MAPK4: variants seen among roughly 807,000 people sequenced by gnomAD.
MAPK4 encodes mitogen-activated protein kinase 4.
In MAPK4, 22 loss-of-function variants were observed where a neutral mutation model predicts 47.7. The ratio of observed to expected loss-of-function variants is 0.46; its 90% confidence interval spans 0.33 to 0.66. The LOEUF (loss-of-function observed/expected upper bound fraction) is 0.66. Among genes scored for constraint, MAPK4 ranks in the 30% least tolerant of loss-of-function variants. MAPK4 has a pLI of 0.02. For missense variants in MAPK4, 736 were observed against 831.7 expected (o/e 0.88, Z 1.42); for synonymous variants, 390 against 365.7 (o/e 1.07, Z -0.76).
intron 1 of MAPK4, among the ~76,000 whole-genome samples, chr18:50,642,607 A>G (rs541075347): frequency 1.3e-5 from 2 of 152,308 alleles, no homozygotes; most frequent in South Asian, 4.1e-4. Flanking sequence ...GAGTTGAACA[A>G]CCCCTGCAGG....
At chr18:50,654,741 G>A (rs898579705) in intron 1 of MAPK4, among the ~76,000 whole-genome samples, 2 of 152,162 alleles carry the variant, frequency 1.3e-5, no homozygotes, top group Admixed American at 6.5e-5. Context: ...TGCTATGCCC[G>A]TGGCCACCGG....
chr18:50,651,905 A>T (rs2043053926), intron 1 of MAPK4, among the ~76,000 whole-genome samples: 1 of 152,160 alleles, frequency 6.6e-6, no homozygotes, highest in Non-Finnish European at 1.5e-5. Context: ...CCACCCTACT[A>T]TTGGAGGTGT....
At chr18:50,688,650 A>C (rs149776135) in intron 2 of MAPK4, among the ~76,000 whole-genome samples, 87 of 152,026 alleles carry the variant, frequency 5.7e-4, no homozygotes, top group Middle Eastern at 3.4e-3. Flanking sequence ...AAAACCAAAC[A>C]TTGTATGTTC....
At chr18:50,599,764 A>G (rs981920506) in intron 1 of MAPK4, among the ~76,000 whole-genome samples, 1 of 152,164 alleles carries the variant, frequency 6.6e-6, no homozygotes, top group Non-Finnish European at 1.5e-5. Flanking sequence ...GATACTATAA[A>G]TGTATTTAAA....
At chr18:50,646,801 C>G (rs2042993778) in intron 1 of MAPK4, among the ~76,000 whole-genome samples, 2 of 152,206 alleles carry the variant, frequency 1.3e-5, no homozygotes, top group Admixed American at 6.5e-5. Context: ...CTCTCTATTC[C>G]TCCAGCAACA....
Position 50,729,526 on chromosome 18 carries a change from CG to C in MAPK4, c.1441del (p.Ala481ArgfsTer67). 1 of 1,433,476 alleles carries C rather than the reference CG, an allele frequency of 7.0e-7. No individual in the cohort carries two copies. 88.8% of individuals were successfully genotyped at this position (1,433,476 alleles called of 1,614,324 possible). On this transcript the variant is annotated frameshift_variant, in exon 6 of 6. Coordinates refer to ENST00000400384, the MANE Select transcript of MAPK4 (RefSeq NM_002747.4). LOFTEE classifies it high-confidence loss of function. ...CCCACGGCCACGGGGCTGGCGGACA[CG>C]GGGGCGCGCGAGGACGAGCCGGCCA... ...APPTATGLAD[T>X]GAREDEPASL...
intron 1 of MAPK4, among the ~76,000 whole-genome samples, chr18:50,570,506 A>G (rs1159119254): frequency 6.6e-6 from 1 of 152,182 alleles, no homozygotes; most frequent in African/African-American, 2.4e-5. Context: ...TGTAGGCTGT[A>G]TTTTAGCTGG....
intron 1 of MAPK4, among the ~76,000 whole-genome samples, chr18:50,634,315 C>CT (rs5824846): frequency 0.46 from 65,520 of 143,680 alleles, 15,079 homozygotes; most frequent in Middle Eastern, 0.55. Flanking sequence ...TTTTTTTTTT[C>CT]TTTTTTTTTT....
intron 2 of MAPK4, among the ~76,000 whole-genome samples, chr18:50,698,911 G>A (rs1055928852): frequency 3.3e-5 from 5 of 152,140 alleles, no homozygotes; most frequent in South Asian, 4.2e-4. Flanking sequence ...TGTAATCCCC[G>A]CTATCTGGGA....
chr18:50,574,080 C>T (rs1175644217), intron 1 of MAPK4, among the ~76,000 whole-genome samples: 1 of 152,092 alleles, frequency 6.6e-6, no homozygotes, highest in Non-Finnish European at 1.5e-5. Flanking sequence ...GCTCTTTATT[C>T]TAGACATTCT....
At chr18:50,671,706 G>A (rs1386258786) in intron 2 of MAPK4, among the ~76,000 whole-genome samples, 1 of 151,916 alleles carries the variant, frequency 6.6e-6, no homozygotes, top group Non-Finnish European at 1.5e-5. Context: ...CTGGGCAACA[G>A]CGAGACCCCC....
In MAPK4 at chr18:50,729,917, AG is replaced by A. The variant is rs1483106878; in HGVS notation, c.*65del. The stretch of plus-strand genomic sequence containing the variant: ...ACCCCCAGAGAAAGCCGGGGCTGGC[AG>A]GAGGCGGCCGCCCTTCCCGCCCCTC... On this transcript the variant is annotated 3_prime_UTR_variant, in exon 6 of 6. Coordinates refer to ENST00000400384, the MANE Select transcript of MAPK4 (RefSeq NM_002747.4). 1 of 1,457,524 alleles carries A rather than the reference AG, an allele frequency of 6.9e-7. No individual in the cohort carries two copies. The highest frequency in any genetic ancestry group is 9.1e-7 in the Non-Finnish European group (1 of 1,094,382). 90.3% of individuals were successfully genotyped at this position (1,457,524 alleles called of 1,614,324 possible).
chr18:50,609,256 G>A (rs890364231), intron 1 of MAPK4, among the ~76,000 whole-genome samples: 17 of 151,876 alleles, frequency 1.1e-4, no homozygotes, highest in Non-Finnish European at 2.2e-4. Flanking sequence ...ACGGGGTGGC[G>A]GCCGGGCAGA....
At chr18:50,694,371 C>G (rs1046577955) in intron 2 of MAPK4, among the ~76,000 whole-genome samples, 1 of 152,180 alleles carries the variant, frequency 6.6e-6, no homozygotes, top group African/African-American at 2.4e-5. Context: ...CCCCTCACCT[C>G]AGAAGTCCCC....
chr18:50,608,774 G>A (rs953975444), intron 1 of MAPK4, among the ~76,000 whole-genome samples: 10 of 151,822 alleles, frequency 6.6e-5, no homozygotes, highest in African/African-American at 2.4e-4. Context: ...TCACAGAGGG[G>A]GATTTGGCAG....
intron 1 of MAPK4, among the ~76,000 whole-genome samples, chr18:50,658,169 T>C (rs1164989144): frequency 6.6e-6 from 1 of 152,194 alleles, no homozygotes; most frequent in Non-Finnish European, 1.5e-5. Flanking sequence ...TCTCTTTCCA[T>C]AGAATGGGCT....
chr18:50,704,483 A>G (rs1909947578), intron 2 of MAPK4: 1 of 398,052 alleles, frequency 2.5e-6, no homozygotes. Flanking sequence ...CCTGTCTCCA[A>G]AAAAAAAGCA....
chr18:50,723,353 A>G (rs1265645299), intron 4 of MAPK4, among the ~76,000 whole-genome samples: 1 of 152,190 alleles, frequency 6.6e-6, no homozygotes, highest in Non-Finnish European at 1.5e-5. Context: ...CCATTCCATC[A>G]GCCCCAGGCA....
rs541840074 is a variant in MAPK4, at chr18:50,710,409, G to A, written c.547-4670G>A. Among the ~76,000 whole-genome samples, 6 of 152,148 alleles carry A rather than the reference G, an allele frequency of 3.9e-5. No individual in the cohort carries two copies. The South Asian group carries it at 8.3e-4, about 21-fold the overall frequency. ...GAGGTGGGAGGATCGCTTGAATCCG[G>A]GAGGCGGAGGTTGCAGAGAGCCAAG... On this transcript the variant is annotated intron_variant, in intron 2 of 5. Coordinates refer to ENST00000400384, the MANE Select transcript of MAPK4 (RefSeq NM_002747.4).
Sources: gnomAD v4.1 joint callset for allele counts (sites outside exome capture counted in the v4.1 genomes callset) on GRCh38, gnomAD v4.1.1 for gene constraint, MANE v1.5 for transcripts, NCBI Gene and HGNC (gene_info 2026-07-23, HGNC 2026-07-21) for gene names.